The following UPF1 variants were observed in gnomAD, a reference collection of about 807,000 sequenced individuals.
UPF1 encodes regulator of nonsense transcripts 1.
A neutral mutation model predicts 129.2 loss-of-function variants in UPF1; 9 were observed. The ratio of observed to expected loss-of-function variants is 0.07; its 90% confidence interval spans 0.04 to 0.12. The LOEUF (loss-of-function observed/expected upper bound fraction) is 0.12, where lower values mean the gene tolerates loss of function less well. Ranked by LOEUF, UPF1 falls within the 10% of genes least tolerant of loss-of-function variation. UPF1 has a pLI of 1.00. For synonymous variants in UPF1, 649 were observed against 644.9 expected (o/e 1.01, Z -0.10); for missense variants, 788 against 1,525.3 (o/e 0.52, Z 8.05).
rs1271830061 is a variant in UPF1, at chr19:18,865,377, C to T, written c.2946C>T (p.Pro982=). 4 of 1,614,026 alleles carry T rather than the reference C, an allele frequency of 2.5e-6. No homozygotes were observed. The highest frequency in any genetic ancestry group is 2.5e-6 in the Non-Finnish European group (3 of 1,180,038). The part of the protein sequence containing the change: ...GPSHVAAMNI[P]IPFNLVMPPM... ...GCCACGTGGCTGCCATGAACATTCC[C>T]ATCCCCTTCAACCTGGTCATGCCAC... Residue 982 remains proline (P), a synonymous_variant, in exon 21 of 24, where the codon CCC becomes CCT. Transcript: ENST00000262803. This position sits in a 1 kb window ranked among gnomAD's most constrained non-coding sequence, Gnocchi z 6.1.
Position 18,861,882 on chromosome 19 carries a change from G to A in UPF1, c.2458-128G>A, listed in dbSNP as rs1219253138. 8.8e-6 allele frequency: 11 copies of A among 1,255,218 alleles called. No homozygotes were observed. The Admixed American group carries it at 1.1e-4, about 12-fold the overall frequency. 77.8% of individuals were successfully genotyped at this position (1,255,218 alleles called of 1,614,324 possible). A position where few individuals can be genotyped will look rare whatever the true frequency, so the allele number is the denominator to read the frequency against. ...CAGAGCCAGGACAGCCCCTAGGTGC[G>A]GTGAGCAGGCGCCAGGCCCCAAGCT... is the stretch of plus-strand genomic sequence containing the variant. On this transcript the variant is annotated intron_variant, in intron 17 of 23. Coordinates refer to ENST00000262803, the MANE Select transcript of UPF1 (RefSeq NM_002911.4).
intron 1 of UPF1, among the ~76,000 whole-genome samples, chr19:18,835,319 C>T (rs918039388): frequency 1.3e-5 from 2 of 152,032 alleles, no homozygotes; most frequent in South Asian, 2.1e-4. Flanking sequence ...GGTTCATCCA[C>T]GCTGTGGTAT....
chr19:18,864,763 C>T (rs960548019), intron 20 of UPF1, among the ~76,000 whole-genome samples: 3 of 102,472 alleles, frequency 2.9e-5, no homozygotes, highest in South Asian at 3.4e-4. Context: ...TTTTGGAGAC[C>T]GAGTCTCGCT....
rs775007388 is a variant in UPF1 at position 18,847,700 on chromosome 19, A to C, written c.372-44A>C. The C allele has an allele frequency of 3.5e-5, 55 of 1,586,698 alleles. No homozygotes were observed. The African/African-American group carries it at 6.3e-4, about 18-fold the overall frequency. ...TCACATCTTGCCAAATGAAAACCAG[A>C]GAGCAAGCTTCCAGCTGTAACTGTC... On this transcript the variant is annotated intron_variant, in intron 2 of 23. Coordinates refer to ENST00000262803, the MANE Select transcript of UPF1 (RefSeq NM_002911.4).
intron 14 of UPF1, 100 bp from the exon 15 acceptor site, chr19:18,857,220 G>C: frequency 1.4e-6 from 2 of 1,472,006 alleles, no homozygotes; most frequent in Non-Finnish European, 1.8e-6. Flanking sequence ...GTGGCCAGGT[G>C]GTGTCCTGTG....
chr19:18,846,824 A>C (rs2055605643), intron 2 of UPF1, among the ~76,000 whole-genome samples: 1 of 152,198 alleles, frequency 6.6e-6, no homozygotes, highest in Non-Finnish European at 1.5e-5. Flanking sequence ...CCCTGTCTCC[A>C]CTAAAAATAC....
chr19:18,835,567 C>T (rs1368468627), intron 1 of UPF1, among the ~76,000 whole-genome samples: 1 of 152,134 alleles, frequency 6.6e-6, no homozygotes, highest in Non-Finnish European at 1.5e-5. Context: ...GTCTTGATTT[C>T]CTGACCATGT....
At chr19:18,852,857 CCACTCACGGCGCCTG>C in intron 6 of UPF1, 115 bp from the exon 7 acceptor site, 2 of 728,218 alleles carry the variant, frequency 2.7e-6, no homozygotes, top group Non-Finnish European at 4.7e-6. Context: ...GCTGCAGGTG[CCACTCACGGCGCCTG>C]CTCTCACGGC....
rs1428963028 is a variant in UPF1 at position 18,866,253 on chromosome 19, G to T, written c.*3+87G>T. 4 of 1,447,348 alleles carry T rather than the reference G, an allele frequency of 2.8e-6. No individual in the cohort carries two copies. The East Asian group carries it at 7.6e-5, about 27-fold the overall frequency. The allele number at this position is 1,447,348 out of a possible 1,614,324, so 89.7% of individuals were successfully genotyped here. A position where few individuals can be genotyped will look rare whatever the true frequency, so the allele number is the denominator to read the frequency against. ...CTCTCCCCAGGGAGCTGCACTGGAGGGGTGGTATCTGGAAATGTGTGCTGT... is the reference window on the plus strand; with the variant it reads ...CTCTCCCCAGGGAGCTGCACTGGAGTGGTGGTATCTGGAAATGTGTGCTGT... On this transcript the variant is annotated intron_variant, in intron 23 of 23. Coordinates refer to ENST00000262803, the MANE Select transcript of UPF1 (RefSeq NM_002911.4).
rs2055695962 is a variant in UPF1 at position 18,854,649 on chromosome 19, C to G, written c.1205C>G (p.Pro402Arg). The G allele has an allele frequency of 6.2e-7, 1 of 1,614,050 alleles. No homozygotes were observed. Among genetic ancestry groups the G allele is most frequent in the African/African-American group, 1.3e-5 (1 of 74,960 alleles). Reference protein sequence around the residue: ...AIELRSSVGAPVEVTHNFQVD... With the variant: ...AIELRSSVGARVEVTHNFQVD... Reference sequence around the variant, plus strand: ...GAGCTGCGGAGCAGCGTGGGTGCACCTGTGGAGGTGACTCACAACTTCCAG... The same window carrying G: ...GAGCTGCGGAGCAGCGTGGGTGCACGTGTGGAGGTGACTCACAACTTCCAG... The change falls in exon 9 of 24, where the codon CCT (proline) becomes CGT (arginine). Residue 402 changes from proline to arginine, a missense_variant. Physicochemically the swap from Pro to Arg is moderately radical, Grantham distance 103 (BLOSUM62 -2). Around this residue, in one of 6 missense-constraint regions of UPF1, gnomAD observed 227 missense variants for 517.9 expected, o/e 0.44. Transcript: ENST00000262803.
At chr19:18,859,017 A>G (rs1404957380) in intron 15 of UPF1, among the ~76,000 whole-genome samples, 1 of 151,822 alleles carries the variant, frequency 6.6e-6, no homozygotes, top group East Asian at 1.9e-4. Flanking sequence ...CTCAGAGCCC[A>G]CCCCCCGGGT....
At position 18,852,933 on chromosome 19, in the gene UPF1, A is replaced by G. The variant is rs1423807240; in HGVS notation, c.973-54A>G. ...ATGGGGCCTCGGGCATGTGGAGGCC[A>G]GGCCCGGGCCTGTGCTGGAGGCTAA... is the stretch of plus-strand genomic sequence containing the variant. On this transcript the variant is annotated intron_variant, in intron 6 of 23. Transcript: ENST00000262803. The G allele has an allele frequency of 4.7e-6, 7 of 1,486,602 alleles. No individual in the cohort carries two copies. In the East Asian group the frequency reaches 9.1e-5, roughly 19 times the overall value. The allele number at this position is 1,486,602 out of a possible 1,614,324, so 92.1% of individuals were successfully genotyped here.
At chr19:18,852,566 G>A (rs2055671130) in intron 6 of UPF1, among the ~76,000 whole-genome samples, 1 of 152,220 alleles carries the variant, frequency 6.6e-6, no homozygotes, top group South Asian at 2.1e-4. Context: ...AGTTGCGAGA[G>A]TTAGACTCGG....
At chr19:18,839,407 A>G (rs1337673809) in intron 1 of UPF1, among the ~76,000 whole-genome samples, 1 of 151,962 alleles carries the variant, frequency 6.6e-6, no homozygotes, top group East Asian at 1.9e-4. Flanking sequence ...TTAAGTATAG[A>G]ACTTAGTGCT....
chr19:18,840,114 G>C (rs1043171299), intron 1 of UPF1, among the ~76,000 whole-genome samples: 1 of 152,180 alleles, frequency 6.6e-6, no homozygotes, highest in Non-Finnish European at 1.5e-5. Context: ...CGGGGGTTAG[G>C]GGAGGGGCTG....
chr19:18,858,234 G>C (rs1441041677), intron 15 of UPF1, among the ~76,000 whole-genome samples: 1 of 152,222 alleles, frequency 6.6e-6, no homozygotes, highest in African/African-American at 2.4e-5. Context: ...GATCGAACCT[G>C]TCGCTTCATG....
chr19:18,843,492 T>G (rs1045363422), intron 1 of UPF1, among the ~76,000 whole-genome samples: 1 of 151,318 alleles, frequency 6.6e-6, no homozygotes, highest in African/African-American at 2.4e-5. Flanking sequence ...GTGGTTTTCG[T>G]CTGTGGGAAT....
chr19:18,863,651 A>G (rs767916130), intron 19 of UPF1, 39 bp downstream of exon 19: 1 of 1,529,770 alleles, frequency 6.5e-7, no homozygotes, highest in Non-Finnish European at 8.9e-7. Flanking sequence ...GCACGGAGAA[A>G]CCCGGGCCCA....
At position 18,868,123 on chromosome 19, in the gene UPF1, A is replaced by C. The variant is rs2055880698; in HGVS notation, c.*1606A>C. On this transcript the variant is annotated 3_prime_UTR_variant, in exon 24 of 24. Transcript: ENST00000262803. The stretch of plus-strand genomic sequence containing the variant: ...GTGCTGTGTTCTCCAGCTTTGTAGC[A>C]GCAGCCTTGACAAACCCAGGCGCAC... The C allele has an allele frequency of 1.1e-5, 2 of 183,194 alleles. No individual in the cohort carries two copies. Among genetic ancestry groups the C allele is most frequent in the African/African-American group, 4.7e-5 (2 of 42,452 alleles). 11.3% of individuals were successfully genotyped at this position (183,194 alleles called of 1,614,324 possible). A position where few individuals can be genotyped will look rare whatever the true frequency, so the allele number is the denominator to read the frequency against.
Sources: gnomAD v4.1 joint callset for allele counts (sites outside exome capture counted in the v4.1 genomes callset) on GRCh38, gnomAD v4.1.1 for gene constraint, gnomAD v4.1.1 regional missense constraint, Gnocchi (gnomAD v3.1) non-coding constraint, MANE v1.5 for transcripts, NCBI Gene and HGNC (gene_info 2026-07-23, HGNC 2026-07-21) for gene names.